Variants in NR2C2 observed in about 807,000 individuals in gnomAD.
NR2C2 encodes the protein Nuclear hormone receptor TR4.
In NR2C2, 6 loss-of-function variants were observed where a neutral mutation model predicts 62.9. The ratio of observed to expected loss-of-function variants is 0.10; its 90% CI spans 0.05 to 0.19. NR2C2 has a LOEUF of 0.19. Ranked by LOEUF, NR2C2 falls within the 10% of genes least tolerant of loss-of-function variation. The probability of loss-of-function intolerance (pLI) is 1.00; values close to 1 mark genes in which losing one functional copy is unlikely to be tolerated. For missense variants in NR2C2, 479 were observed against 762.7 expected, an observed-to-expected ratio of 0.63 and a Z score of 4.38; for synonymous variants, 272 against 273.8, an observed-to-expected ratio of 0.99 and a Z score of 0.07.
At chr3:15,034,435 T>C in intron 10 of NR2C2, 1 of 455,866 alleles carries the variant, frequency 2.2e-6, no homozygotes, top group Non-Finnish European at 3.9e-6. Context: ...TTTTTTATTA[T>C]TTAAAGAATG....
chr3:15,035,611 C>T (rs761171903), intron 11 of NR2C2, among the ~76,000 whole-genome samples: 5 of 152,212 alleles, frequency 3.3e-5, no homozygotes, highest in Non-Finnish European at 7.3e-5. Context: ...AACTAGGGCA[C>T]AGGCTGGGTG....
chr3:15,033,338 A>G (rs926816388), intron 10 of NR2C2, among the ~76,000 whole-genome samples: 3 of 152,162 alleles, frequency 2.0e-5, no homozygotes, highest in Non-Finnish European at 4.4e-5. Context: ...CCAGTTTCTC[A>G]TTGTAGAATC....
rs144595798 is a variant in NR2C2 at position 14,951,543 on chromosome 3, A to G, written c.-40+3637A>G. ...AAAGATTTTTGGTATCACTTGTTCAATTCCTTAAGCTAATTACTCAGGGTA... is the reference window on the plus strand; with the variant it reads ...AAAGATTTTTGGTATCACTTGTTCAGTTCCTTAAGCTAATTACTCAGGGTA... On this transcript the variant is annotated intron_variant, in intron 1 of 13. Transcript: ENST00000425241. Among the ~76,000 whole-genome samples the G allele has an allele frequency of 4.8e-3, 728 of 152,150 alleles. 2 individuals carry two copies. Among genetic ancestry groups the G allele is most frequent in the African/African-American group, 0.017 (695 of 41,502 alleles).
At chr3:14,983,318 C>CT (rs199762686) in intron 1 of NR2C2, among the ~76,000 whole-genome samples, 15 of 151,478 alleles carry the variant, frequency 9.9e-5, no homozygotes, top group South Asian at 4.2e-4. Context: ...GTCAGATGCT[C>CT]TTTTTTTTTA....
intron 1 of NR2C2, among the ~76,000 whole-genome samples, chr3:14,993,118 C>T (rs2040715390): frequency 6.6e-6 from 1 of 152,158 alleles, no homozygotes; most frequent in Admixed American, 6.5e-5. Flanking sequence ...TTTTACCAAA[C>T]TGACTTTTTA....
At chr3:14,948,816 C>T (rs2039241588) in intron 1 of NR2C2, 1 of 152,240 alleles carries the variant, frequency 6.6e-6, no homozygotes. Flanking sequence ...CTCGTTATTT[C>T]GCAGCGGCCT....
At chr3:15,028,994 T>C (rs1175327470) in intron 8 of NR2C2, among the ~76,000 whole-genome samples, 1 of 152,230 alleles carries the variant, frequency 6.6e-6, no homozygotes, top group East Asian at 1.9e-4. Context: ...AAAACTCTAG[T>C]GGACAGCGGT....
Position 15,016,160 on chromosome 3 carries a change from G to A in NR2C2, c.282G>A (p.Thr94=), listed in dbSNP as rs749078351. Residue 94 remains threonine, a synonymous_variant, in exon 4 of 14, where the codon ACG becomes ACA. Coordinates refer to ENST00000425241, the MANE Select transcript of NR2C2 (RefSeq NM_001291694.2). ...NLVPGRIQIV[T]DSASVERLLG... The stretch of plus-strand genomic sequence containing the variant: ...TTCCTGATTTCTCTCAGATTGTCAC[G>A]GATTCTGCCTCTGTGGAGCGTTTAC... The A allele has an allele frequency of 6.2e-6, 10 of 1,613,614 alleles. No homozygotes were observed. Among genetic ancestry groups the A allele is most frequent in the African/African-American group, 1.3e-5 (1 of 75,012 alleles).
Position 15,038,127 on chromosome 3 carries a change from C to G in NR2C2, c.1500C>G (p.Leu500=), listed in dbSNP as rs764578811. The change falls in exon 12 of 14, where the codon CTC becomes CTG. Residue 500 remains leucine (L), a synonymous_variant. Coordinates refer to ENST00000425241, the MANE Select transcript of NR2C2 (RefSeq NM_001291694.2). The part of the protein sequence containing the change: ...YEYAYLKAIV[L]FSPDHPGLTS... ...ATGCATACCTTAAAGCTATAGTTCT[C>G]TTTAGCCCCGGTAAGATATGCGGTG... is the stretch of plus-strand genomic sequence containing the variant. 9 of 1,611,386 alleles carry G rather than the reference C, an allele frequency of 5.6e-6. No homozygotes were observed. In the South Asian group the frequency reaches 9.9e-5, roughly 18 times the overall value.
At chr3:15,042,657 T>A in intron 13 of NR2C2, 177 bp from the exon 14 acceptor site, 1 of 591,914 alleles carries the variant, frequency 1.7e-6, no homozygotes, top group South Asian at 2.4e-5. Flanking sequence ...CATTTGGTTT[T>A]TTCTCATGAT....
chr3:15,017,690 C>G (rs1367823870), intron 4 of NR2C2, among the ~76,000 whole-genome samples: 3 of 152,046 alleles, frequency 2.0e-5, no homozygotes, highest in Non-Finnish European at 2.9e-5. Context: ...AAATATACTG[C>G]AAAGAAAGGA....
chr3:14,993,481 G>T (rs149942871), intron 1 of NR2C2, among the ~76,000 whole-genome samples: 3 of 151,976 alleles, frequency 2.0e-5, no homozygotes, highest in Non-Finnish European at 1.5e-5. Context: ...AATGTTTCTG[G>T]AAAAAAAGTA....
At chr3:14,989,648 TTGAC>T (rs750964039) in intron 1 of NR2C2, among the ~76,000 whole-genome samples, 39 of 151,682 alleles carry the variant, frequency 2.6e-4, no homozygotes, top group Admixed American at 1.3e-4. Flanking sequence ...AAGAAAAAAT[TTGAC>T]TGGGTGTGGT....
At chr3:14,951,348 G>A (rs2039349729) in intron 1 of NR2C2, among the ~76,000 whole-genome samples, 1 of 152,132 alleles carries the variant, frequency 6.6e-6, no homozygotes, top group Non-Finnish European at 1.5e-5. Flanking sequence ...AAGGTTAAAA[G>A]CAAATTTTGT....
intron 1 of NR2C2, among the ~76,000 whole-genome samples, chr3:14,956,664 C>T (rs962094275): frequency 6.6e-6 from 1 of 152,210 alleles, no homozygotes; most frequent in Non-Finnish European, 1.5e-5. Flanking sequence ...CTGCCTCAGC[C>T]TCAAACAGCT....
chr3:15,019,059 C>G (rs1230788422), intron 4 of NR2C2, among the ~76,000 whole-genome samples: 10 of 117,406 alleles, frequency 8.5e-5, no homozygotes, highest in Non-Finnish European at 1.6e-4. Context: ...TTTATAAAAT[C>G]TTATAAAAAT....
At chr3:14,948,563 C>T (rs2039222046) in intron 1 of NR2C2, 1 of 32,648 alleles carries the variant, frequency 3.1e-5, no homozygotes, top group African/African-American at 1.3e-4. Context: ...GAGTAGAGGC[C>T]GGGGCGAAGA....
intron 13 of NR2C2, 104 bp downstream of exon 13, chr3:15,039,331 C>CTGAT: frequency 1.4e-6 from 1 of 735,224 alleles, no homozygotes; most frequent in Non-Finnish European, 2.4e-6. Flanking sequence ...TTTTAGCAGC[C>CTGAT]TGATAGAGCC....
chr3:14,973,573 A>T (rs986264837), intron 1 of NR2C2, among the ~76,000 whole-genome samples: 1 of 151,856 alleles, frequency 6.6e-6, no homozygotes, highest in Admixed American at 6.6e-5. Context: ...TTTAGTACTA[A>T]ATTTTAGAGT....
Sources: allele counts gnomAD v4.1 joint callset (sites outside exome capture counted in the v4.1 genomes callset), GRCh38; gene constraint gnomAD v4.1.1; transcripts MANE v1.5; gene names NCBI Gene and HGNC (gene_info 2026-07-23, HGNC 2026-07-21).